Variants in BMP8A observed in about 807,000 individuals in gnomAD.
The protein encoded by BMP8A is bone morphogenetic protein 8a.
Under a neutral mutation model 36.8 loss-of-function variants are expected in BMP8A, and 14 were observed. That is an observed-to-expected ratio of 0.38 (90% confidence interval 0.25 to 0.60). The LOEUF is 0.60. BMP8A is among the 20% of genes least tolerant of loss of function. The pLI is 0.63. For missense variants in BMP8A, 267 were observed against 551.1 expected (o/e 0.48, Z 5.16); for synonymous variants, 120 against 237.7 (o/e 0.50, Z 4.55).
At chr1:39,503,973 C>A (rs1645276136) in intron 1 of BMP8A, among the ~76,000 whole-genome samples, 1 of 151,944 alleles carries the variant, frequency 6.6e-6, no homozygotes, top group Non-Finnish European at 1.5e-5. Context: ...AAGTATTTTC[C>A]TCACGATATT....
rs1194852116 is a variant in BMP8A at position 39,525,835 on chromosome 1, A to T, written c.*37A>T. The T allele has an allele frequency of 1.9e-6, 3 of 1,611,870 alleles. No individual in the cohort carries two copies. Among genetic ancestry groups the T allele is most frequent in the African/African-American group, 1.3e-5 (1 of 74,896 alleles). On this transcript the variant is annotated 3_prime_UTR_variant, in exon 7 of 7. Coordinates refer to ENST00000331593, the MANE Select transcript of BMP8A (RefSeq NM_181809.4). ...CAGCCCTACTGCAGCCACCCTTCTC[A>T]TCTGGATCGGGCCCTGCAGAGGCAG...
intron 3 of BMP8A, chr1:39,515,052 G>C (rs1266991087): frequency 1.9e-6 from 3 of 1,576,080 alleles, no homozygotes; most frequent in Non-Finnish European, 2.6e-6. Flanking sequence ...CCGCTGCTTT[G>C]CCACCAGTCC....
chr1:39,503,402 A>G (rs905612880), intron 1 of BMP8A, among the ~76,000 whole-genome samples: 2 of 151,890 alleles, frequency 1.3e-5, no homozygotes, highest in Non-Finnish European at 1.5e-5. Context: ...CTATGATCCC[A>G]GCAAGGTGAG....
intron 1 of BMP8A, among the ~76,000 whole-genome samples, chr1:39,510,971 G>A (rs563912862): frequency 2.8e-4 from 43 of 152,330 alleles, no homozygotes; most frequent in Non-Finnish European, 7.4e-5. Flanking sequence ...GAGCCTGGCT[G>A]CAGGGCCTCT....
At chr1:39,499,005 G>C (rs1277258817) in intron 1 of BMP8A, among the ~76,000 whole-genome samples, 3 of 152,232 alleles carry the variant, frequency 2.0e-5, no homozygotes, top group Non-Finnish European at 2.9e-5. Flanking sequence ...AGGGGCCGGG[G>C]CACCCCCGCT....
In BMP8A at chr1:39,515,694, G is replaced by T; in HGVS notation, c.673+3790G>T. On this transcript the variant is annotated intron_variant, in intron 3 of 6. Transcript: ENST00000331593. ...AGACGTCACGGCGGTGGAGGTGGGG[G>T]CTTCCCCCCAGAAGACATCCACGTT... 1.9e-6 allele frequency: 3 copies of T among 1,575,834 alleles called. 1 individual carries two copies. Among genetic ancestry groups the T allele is most frequent in the Non-Finnish European group, 8.7e-7 (1 of 1,150,312 alleles).
chr1:39,498,896 A>G (rs1645229065), intron 1 of BMP8A, among the ~76,000 whole-genome samples: 1 of 152,138 alleles, frequency 6.6e-6, no homozygotes, highest in Admixed American at 6.5e-5. Flanking sequence ...ACATGGGGAC[A>G]TGGTAGCCAC....
chr1:39,515,061 C>T, intron 3 of BMP8A: 6 of 1,583,932 alleles, frequency 3.8e-6, no homozygotes, highest in Non-Finnish European at 5.1e-6. Context: ...TGCCACCAGT[C>T]CCCGGCCCCG....
At chr1:39,506,115 G>T (rs1645299088) in intron 1 of BMP8A, among the ~76,000 whole-genome samples, 2 of 152,068 alleles carry the variant, frequency 1.3e-5, no homozygotes, top group African/African-American at 4.8e-5. Context: ...GTCCTAGATT[G>T]AATTCTTGAC....
chr1:39,502,692 A>G (rs1177185919), intron 1 of BMP8A, among the ~76,000 whole-genome samples: 2 of 152,228 alleles, frequency 1.3e-5, no homozygotes, highest in South Asian at 2.1e-4. Context: ...ATAAATAACA[A>G]TAGTATTGGA....
At position 39,525,886 on chromosome 1, in the gene BMP8A, CAAGCAGGAGTGT is replaced by C; in HGVS notation, c.*89_*100del. 1 of 1,578,264 alleles carries C rather than the reference CAAGCAGGAGTGT, an allele frequency of 6.3e-7. No homozygotes were observed. Among genetic ancestry groups the C allele is most frequent in the Non-Finnish European group, 8.6e-7 (1 of 1,163,614 alleles). Reference sequence around the variant, plus strand: ...AAAACCCTTAAATGCTGTCACAGCTCAAGCAGGAGTGTCAGGGGCCCTCACTCTCGGTGCCTA... The same window carrying C: ...AAAACCCTTAAATGCTGTCACAGCTCCAGGGGCCCTCACTCTCGGTGCCTA... On this transcript the variant is annotated 3_prime_UTR_variant, in exon 7 of 7. Coordinates refer to ENST00000331593, the MANE Select transcript of BMP8A (RefSeq NM_181809.4).
chr1:39,492,712 G>A (rs1645172005), intron 1 of BMP8A, among the ~76,000 whole-genome samples: 1 of 152,200 alleles, frequency 6.6e-6, no homozygotes, highest in South Asian at 2.1e-4. Flanking sequence ...TGAGGAGAGG[G>A]ACAAAGTTCA....
At chr1:39,514,552 G>A (rs957591998) in intron 3 of BMP8A, among the ~76,000 whole-genome samples, 1 of 150,874 alleles carries the variant, frequency 6.6e-6, no homozygotes, top group Admixed American at 6.6e-5. Flanking sequence ...CATGAGCGTC[G>A]GTGTCACCCA....
chr1:39,527,162 G>A lies in BMP8A; in HGVS notation c.*1364G>A, dbSNP rs936886555. Among the ~76,000 whole-genome samples the A allele has an allele frequency of 4.6e-5, 7 of 152,252 alleles. No individual in the cohort carries two copies. In the East Asian group the frequency reaches 5.8e-4, roughly 13 times the overall value. On this transcript the variant is annotated 3_prime_UTR_variant, in exon 7 of 7. Transcript: ENST00000331593. The stretch of plus-strand genomic sequence containing the variant: ...GGCGTCACCCTGGGTGCCCACCAGC[G>A]CTGTCCTGTGTCTTGGGTCTGTGAG...
chr1:39,501,854 T>C (rs1481315288), intron 1 of BMP8A, among the ~76,000 whole-genome samples: 2 of 152,212 alleles, frequency 1.3e-5, no homozygotes, highest in East Asian at 3.8e-4. Flanking sequence ...GATTGTGCCA[T>C]TTTGCATTCC....
intron 1 of BMP8A, among the ~76,000 whole-genome samples, chr1:39,498,102 A>G (rs193054115): frequency 1.2e-4 from 18 of 152,320 alleles, no homozygotes; most frequent in Admixed American, 1.0e-3. Flanking sequence ...ATTCTGACAC[A>G]GGCCTGTAAT....
chr1:39,505,009 G>A (rs1156538575), intron 1 of BMP8A, among the ~76,000 whole-genome samples: 2 of 152,186 alleles, frequency 1.3e-5, no homozygotes. Flanking sequence ...CCAGCCATAA[G>A]GTGGTTTTCT....
rs529792468 is a variant in BMP8A, at chr1:39,498,905, A to T, written c.334+6580A>T. 3.9e-5 allele frequency among the ~76,000 whole-genome samples: 6 copies of T among 152,286 alleles called. No homozygotes were observed. The South Asian group carries it at 1.0e-3, about 26-fold the overall frequency. The stretch of plus-strand genomic sequence containing the variant: ...GGAGTCACATGGGGACATGGTAGCC[A>T]CACCCAGACTGGCAGTGATACCCAG... On this transcript the variant is annotated intron_variant, in intron 1 of 6. Coordinates refer to ENST00000331593, the MANE Select transcript of BMP8A (RefSeq NM_181809.4).
rs12031730 is a variant in BMP8A at position 39,528,743 on chromosome 1, G to A, written c.*2945G>A. Among the ~76,000 whole-genome samples the A allele has an allele frequency of 0.037, 5,438 of 146,288 alleles. 396 individuals are homozygous for A. Among genetic ancestry groups the A allele is most frequent in the East Asian group, 0.34 (1,682 of 5,006 alleles). On this transcript the variant is annotated 3_prime_UTR_variant, in exon 7 of 7. Coordinates refer to ENST00000331593, the MANE Select transcript of BMP8A (RefSeq NM_181809.4). ...AAGACATACATGGTCTTGCTTTGTC[G>A]CCCAGGCTGGAGTGCAGTGGCAGTG...
Sources: allele counts gnomAD v4.1 joint callset (sites outside exome capture counted in the v4.1 genomes callset), GRCh38; gene constraint gnomAD v4.1.1; transcripts MANE v1.5; gene names NCBI Gene and HGNC (gene_info 2026-07-23, HGNC 2026-07-21).